The following MYOM1 variants were observed in gnomAD, a reference collection of about 807,000 sequenced individuals.
MYOM1 encodes myomesin-1.
In MYOM1, 164 loss-of-function variants were observed where a neutral mutation model predicts 205.3. The ratio of observed to expected loss-of-function variants is 0.80; its 90% CI spans 0.70 to 0.91. The LOEUF (loss-of-function observed/expected upper bound fraction) is 0.91. Ranked by LOEUF, MYOM1 falls within the 40% of genes least tolerant of loss-of-function variation. The pLI, the probability that MYOM1 is intolerant of heterozygous loss-of-function variation, is 0.00. For synonymous variants in MYOM1, 772 were observed against 789.4 expected (o/e 0.98, Z 0.37); for missense variants, 2,011 against 2,127.3 (o/e 0.95, Z 1.08).
chr18:3,210,302 A>G (rs1382519378), intron 2 of MYOM1, among the ~76,000 whole-genome samples: 1 of 152,196 alleles, frequency 6.6e-6, no homozygotes, highest in African/African-American at 2.4e-5. Flanking sequence ...CTGAATTATA[A>G]CAGCTTTGAA....
chr18:3,127,305 A>ATATATATTTTTTTTT (rs56880961), intron 18 of MYOM1, among the ~76,000 whole-genome samples: 12 of 47,568 alleles, frequency 2.5e-4, no homozygotes, highest in East Asian at 1.3e-3. Context: ...ATATATATAT[A>ATATATATTTTTTTTT]TTTTTTTTTT....
intron 29 of MYOM1, 51 bp from the exon 30 acceptor site, chr18:3,086,202 G>T: frequency 8.4e-7 from 1 of 1,191,024 alleles, no homozygotes; most frequent in Non-Finnish European, 1.2e-6. Flanking sequence ...GTGTACTCTT[G>T]TGAAGTTGAA....
chr18:3,154,125 T>G (rs569117245), intron 11 of MYOM1, among the ~76,000 whole-genome samples: 19 of 152,060 alleles, frequency 1.2e-4, no homozygotes, highest in Non-Finnish European at 2.6e-4. Flanking sequence ...AAAGTAAATA[T>G]TCTTAAATTA....
intron 37 of MYOM1, among the ~76,000 whole-genome samples, chr18:3,067,756 C>A (rs2078914605): frequency 6.6e-6 from 1 of 152,180 alleles, no homozygotes; most frequent in Non-Finnish European, 1.5e-5. Context: ...TCCTCAAGGC[C>A]TTTTAATGCT....
chr18:3,155,284 G>C (rs561727244), intron 10 of MYOM1, among the ~76,000 whole-genome samples, 196 bp from the exon 11 acceptor site: 109 of 152,222 alleles, frequency 7.2e-4, no homozygotes, highest in South Asian at 4.8e-3. Context: ...GGCAGAGGTG[G>C]GATCTCAGCT....
At chr18:3,222,902 C>A (rs1002622717), upstream of MYOM1, among the ~76,000 whole-genome samples, 2 of 151,814 alleles carry the variant, frequency 1.3e-5, no homozygotes, top group African/African-American at 4.8e-5. Flanking sequence ...CTTTTTGAGA[C>A]AGGGTCTCTC....
At chr18:3,237,182 C>T in the MYOM1 span, among the ~76,000 whole-genome samples, 1 of 152,016 alleles carries the variant, frequency 6.6e-6, no homozygotes. Context: ...GGTTTGTATA[C>T]CCATGTTCAT....
At chr18:3,233,979 G>C in the MYOM1 span, among the ~76,000 whole-genome samples, 5 of 152,210 alleles carry the variant, frequency 3.3e-5, no homozygotes, top group African/African-American at 1.2e-4. Flanking sequence ...GTCAGGCTTT[G>C]AAGTTATACA....
intron 1 of MYOM1, among the ~76,000 whole-genome samples, chr18:3,216,304 C>A (rs1662314): frequency 6.6e-6 from 1 of 152,094 alleles, no homozygotes; most frequent in East Asian, 1.9e-4. Context: ...CAGTGGTAAA[C>A]AAAACAGACA....
chr18:3,204,623 A>G (rs2081108145), intron 2 of MYOM1, among the ~76,000 whole-genome samples: 3 of 152,052 alleles, frequency 2.0e-5, no homozygotes, highest in Non-Finnish European at 4.4e-5. Context: ...AAAACTCAAC[A>G]TTATTAAAAT....
rs192191444 is a variant in MYOM1, at chr18:3,071,584, G to A, written c.4764+250C>T. On this transcript the variant is annotated intron_variant, in intron 37 of 37. Transcript: ENST00000356443. ...ATGTTGGCCAGGCTGGTCTTGAACT[G>A]CTGACCTCAGGTGATCCGCCCGCCT... Among the ~76,000 whole-genome samples the A allele has an allele frequency of 1.1e-4, 16 of 152,084 alleles. No individual in the cohort carries two copies. The East Asian group carries it at 2.1e-3, about 20-fold the overall frequency.
chr18:3,127,767 A>T (rs1350137465), intron 18 of MYOM1, among the ~76,000 whole-genome samples: 4 of 152,224 alleles, frequency 2.6e-5, no homozygotes, highest in African/African-American at 9.6e-5. Context: ...TTTAAAAAAC[A>T]GACACAATCT....
rs1362667912 is a variant in MYOM1 at position 3,164,008 on chromosome 18, A to G, written c.1501+270T>C. 4.5e-5 allele frequency among the ~76,000 whole-genome samples: 6 copies of G among 134,010 alleles called. No individual in the cohort carries two copies. In the Admixed American group the frequency reaches 4.7e-4, roughly 10 times the overall value. 87.9% of individuals were successfully genotyped at this position (134,010 alleles called of 152,430 possible). The stretch of plus-strand genomic sequence containing the variant: ...GCTGGGACCACAGGTGCATGCCGCC[A>G]TGCCCAGCTAATCAAAAAAATTTTT... On this transcript the variant is annotated intron_variant, in intron 10 of 37. Transcript: ENST00000356443.
chr18:3,084,158 C>T (rs1292853228), intron 31 of MYOM1, 131 bp from the exon 32 acceptor site: 2 of 867,336 alleles, frequency 2.3e-6, no homozygotes, highest in African/African-American at 1.7e-5. Flanking sequence ...ATTTGTCGAC[C>T]CACTGATAAT....
At position 3,149,168 on chromosome 18, in the gene MYOM1, A is replaced by C; in HGVS notation, c.1877T>G (p.Ile626Ser). Residue 626 changes from isoleucine to serine, a missense_variant, in exon 13 of 38, where the codon ATT becomes AGT. Transcript: ENST00000356443. ...ACCTGAAGGTTCCTCTTCAGTAACA[A>C]TGATCTGTCCAGTCCAGGGTGCTGA... ...RPSAPWTGQI[I>S]VTEEEPSEGI... 1 of 1,613,920 alleles carries C rather than the reference A, an allele frequency of 6.2e-7. No individual in the cohort carries two copies. Among genetic ancestry groups the C allele is most frequent in the Non-Finnish European group, 8.5e-7 (1 of 1,179,818 alleles).
At chr18:3,102,369 G>A in intron 23 of MYOM1, 105 bp downstream of exon 23, 1 of 1,111,902 alleles carries the variant, frequency 9.0e-7, no homozygotes, top group Non-Finnish European at 1.3e-6. Flanking sequence ...TAAAATATAA[G>A]TGACTTCATC....
At chr18:3,144,880 C>CA (rs1267609243) in intron 13 of MYOM1, among the ~76,000 whole-genome samples, 1 of 152,206 alleles carries the variant, frequency 6.6e-6, no homozygotes, top group Non-Finnish European at 1.5e-5. Context: ...TTGGCTATTT[C>CA]ATCACTACTC....
rs570677625 is a variant in MYOM1 at position 3,155,067 on chromosome 18, C to T, written c.1523G>A (p.Gly508Glu). ...FVRDADAEIE[G>E]APAAPLDVKC... ...CACATCCAAGGGAGCAGCTGGGGCT[C>T]CTTCAATCTCTGCATCAGCATCTGT... Residue 508 changes from glycine to glutamate, a missense_variant, in exon 11 of 38, where the codon GGA becomes GAA. Gly to Glu is a moderately conservative substitution (Grantham distance 98, BLOSUM62 -2). Transcript: ENST00000356443. 8 of 1,612,634 alleles carry T rather than the reference C, an allele frequency of 5.0e-6. No individual in the cohort carries two copies. The South Asian group carries it at 5.5e-5, about 11-fold the overall frequency.
In MYOM1 at chr18:3,067,434, G is replaced by T; in HGVS notation, c.4886C>A (p.Ala1629Glu). 6.2e-7 allele frequency: 1 copy of T among 1,613,708 alleles called. No individual in the cohort carries two copies. The highest frequency in any genetic ancestry group is 1.1e-5 in the South Asian group (1 of 91,066). Reference protein sequence around the residue: ...CNLKFEAGRTAYFTINGVSTA... With the variant: ...CNLKFEAGRTEYFTINGVSTA... ...GCTCACGCCGTTGATGGTGAAGTAC[G>T]CGGTCCTCCCAGCCTCGAACTTGAG... The change falls in exon 38 of 38, where the codon GCG (alanine) becomes GAG (glutamate). Residue 1629 changes from alanine to glutamate, a missense_variant. By Grantham distance (107) the Ala-to-Glu change is moderately radical. Transcript: ENST00000356443.
Sources: gnomAD v4.1 joint callset for allele counts (sites outside exome capture counted in the v4.1 genomes callset) on GRCh38, gnomAD v4.1.1 for gene constraint, MANE v1.5 for transcripts, NCBI Gene and HGNC (gene_info 2026-07-23, HGNC 2026-07-21) for gene names.